The following DACH2 variants were observed in gnomAD, a reference collection of about 807,000 sequenced individuals.
DACH2 encodes dachshund homolog 2.
In DACH2, 17 loss-of-function variants were observed where a neutral mutation model predicts 35.8. The ratio of observed to expected loss-of-function variants is 0.48; its 90% CI spans 0.33 to 0.71. The LOEUF (loss-of-function observed/expected upper bound fraction) is 0.71. DACH2 is among the 30% of genes least tolerant of loss of function. The probability of loss-of-function intolerance (pLI) is 0.02; values close to 1 mark genes in which losing one functional copy is unlikely to be tolerated. For synonymous variants in DACH2, 195 were observed against 177.3 expected, an observed-to-expected ratio of 1.10 and a Z score of -0.79; for missense variants, 469 against 472.7, an observed-to-expected ratio of 0.99 and a Z score of 0.07.
intron 3 of DACH2, among the ~76,000 whole-genome samples, chrX:86,572,740 CTG>C (rs1449669154): frequency 9.0e-6 from 1 of 111,657 alleles, no homozygotes; most frequent in Non-Finnish European, 1.9e-5. Flanking sequence ...CTTCAAACCT[CTG>C]TTACTTTACA....
chrX:86,615,688 T>C lies in DACH2; in HGVS notation c.641-35348T>C, dbSNP rs1289783236. 4.5e-5 allele frequency among the ~76,000 whole-genome samples: 5 copies of C among 111,008 alleles called. No homozygotes were observed. In the Admixed American group the frequency reaches 4.8e-4, roughly 11 times the overall value. On this transcript the variant is annotated intron_variant, in intron 3 of 11. Coordinates refer to ENST00000373125, the MANE Select transcript of DACH2 (RefSeq NM_053281.3). ...AGCACTATTTTAATGTAAATCTTTCTCTCCCCTCATCCTGTAACCGGTATT... is the reference window on the plus strand; with the variant it reads ...AGCACTATTTTAATGTAAATCTTTCCCTCCCCTCATCCTGTAACCGGTATT...
At chrX:86,554,160 G>T (rs1274187656) in intron 3 of DACH2, among the ~76,000 whole-genome samples, 1 of 111,342 alleles carries the variant, frequency 9.0e-6, no homozygotes, top group Non-Finnish European at 1.9e-5. Flanking sequence ...TAATACAAGA[G>T]TTTTGATGCT....
intron 4 of DACH2, among the ~76,000 whole-genome samples, chrX:86,670,892 C>T (rs952502685): frequency 1.8e-5 from 2 of 111,823 alleles, no homozygotes; most frequent in Admixed American, 1.9e-4. Flanking sequence ...TTTTAATTTA[C>T]CCCTTAGTGA....
chrX:86,334,681 GC>G, intron 1 of DACH2, among the ~76,000 whole-genome samples: 1 of 111,430 alleles, frequency 9.0e-6, no homozygotes, highest in African/African-American at 3.3e-5. Flanking sequence ...CAGATTTATT[GC>G]AAACGTCTTC....
At chrX:86,539,103 C>T (rs185986510) in intron 3 of DACH2, among the ~76,000 whole-genome samples, 1 of 111,035 alleles carries the variant, frequency 9.0e-6, no homozygotes, top group Non-Finnish European at 1.9e-5. Flanking sequence ...GTAATCCTTA[C>T]GTTTTCAGGG....
rs181627488 is a variant in DACH2, at chrX:86,667,329, G to A, written c.772+16162G>A. 2.6e-3 allele frequency among the ~76,000 whole-genome samples: 182 copies of A among 69,873 alleles called. 3 individuals are homozygous for A. Among genetic ancestry groups the A allele is most frequent in the Non-Finnish European group, 3.8e-3 (137 of 36,049 alleles). 60.7% of individuals were successfully genotyped at this position (69,873 alleles called of 115,157 possible). On this transcript the variant is annotated intron_variant, in intron 4 of 11. Transcript: ENST00000373125. ...AAGAAGGAAGGAAGGAAGGAAGGAA[G>A]GAAGGAAGGAAGGAAGGAAGGAAGG...
chrX:86,419,040 T>A (rs2036756870), intron 2 of DACH2, among the ~76,000 whole-genome samples: 1 of 111,721 alleles, frequency 9.0e-6, no homozygotes, highest in Non-Finnish European at 1.9e-5. Flanking sequence ...CCCAGCAATT[T>A]TTTTATCTTC....
At chrX:86,662,331 C>T (rs771997801) in intron 4 of DACH2, among the ~76,000 whole-genome samples, 1 of 111,785 alleles carries the variant, frequency 8.9e-6, no homozygotes, top group Admixed American at 9.5e-5. Flanking sequence ...AGGTGGCTCA[C>T]GCCTGTAATC....
At chrX:86,317,672 C>A (rs185376774) in intron 1 of DACH2, among the ~76,000 whole-genome samples, 1 of 112,147 alleles carries the variant, frequency 8.9e-6, no homozygotes, top group Non-Finnish European at 1.9e-5. Flanking sequence ...AGAGTGATCA[C>A]CTTTACATAG....
At chrX:86,507,334 T>G (rs2038337635) in intron 2 of DACH2, among the ~76,000 whole-genome samples, 1 of 111,109 alleles carries the variant, frequency 9.0e-6, no homozygotes, top group Admixed American at 9.6e-5. Context: ...GAGACTTCAT[T>G]TATCAGGCAT....
chrX:86,308,643 G>A (rs191669242), intron 1 of DACH2, among the ~76,000 whole-genome samples: 1 of 111,725 alleles, frequency 9.0e-6, no homozygotes, highest in African/African-American at 3.3e-5. Context: ...CTTGAGGAAG[G>A]ACCACACTAC....
intron 11 of DACH2, among the ~76,000 whole-genome samples, chrX:86,824,271 G>T (rs766682143): frequency 1.8e-5 from 2 of 111,275 alleles, no homozygotes; most frequent in South Asian, 3.8e-4. Context: ...GCTAGCAAAA[G>T]AATTTAGCGA....
intron 5 of DACH2, among the ~76,000 whole-genome samples, chrX:86,700,097 T>C (rs2041122662): frequency 1.0e-5 from 1 of 99,883 alleles, no homozygotes; most frequent in Admixed American, 1.3e-4. Context: ...TTGCTGAAGA[T>C]TGTTTTATGT....
chrX:86,789,367 G>A (rs1165805495), intron 7 of DACH2, among the ~76,000 whole-genome samples: 1 of 111,819 alleles, frequency 8.9e-6, no homozygotes, highest in African/African-American at 3.2e-5. Context: ...TTTGGATAGT[G>A]TTTAGTTTGC....
At chrX:86,154,708 G>A (rs1016421980) in intron 1 of DACH2, among the ~76,000 whole-genome samples, 1 of 111,411 alleles carries the variant, frequency 9.0e-6, no homozygotes, top group Non-Finnish European at 1.9e-5. Flanking sequence ...AAATCAATGA[G>A]ACAGATCTGA....
At chrX:86,548,499 C>T (rs775210877) in intron 3 of DACH2, among the ~76,000 whole-genome samples, 2 of 111,752 alleles carry the variant, frequency 1.8e-5, no homozygotes, top group South Asian at 7.3e-4. Flanking sequence ...TCCTCTTGTC[C>T]GTCTGTGAAA....
chrX:86,684,686 A>G (rs1358962678), intron 4 of DACH2, among the ~76,000 whole-genome samples: 1 of 110,682 alleles, frequency 9.0e-6, no homozygotes, highest in Non-Finnish European at 1.9e-5. Flanking sequence ...ATGAAAAATG[A>G]GTGTTGTAAA....
At chrX:86,567,621 C>T (rs2039308727) in intron 3 of DACH2, among the ~76,000 whole-genome samples, 1 of 111,663 alleles carries the variant, frequency 9.0e-6, no homozygotes, top group South Asian at 3.7e-4. Flanking sequence ...TTCTACATAT[C>T]TCCCACAGAG....
chrX:86,404,758 T>C (rs868634535), intron 2 of DACH2, among the ~76,000 whole-genome samples: 2 of 112,393 alleles, frequency 1.8e-5, no homozygotes, highest in Non-Finnish European at 3.8e-5. Context: ...GTGTGGGGGC[T>C]CCAACCCCAC....
Sources: allele counts gnomAD v4.1 joint callset (sites outside exome capture counted in the v4.1 genomes callset), GRCh38; gene constraint gnomAD v4.1.1; transcripts MANE v1.5; gene names NCBI Gene and HGNC (gene_info 2026-07-23, HGNC 2026-07-21).